Variants in GALNTL6 observed in about 807,000 individuals in gnomAD.
GALNTL6 encodes polypeptide N-acetylgalactosaminyltransferase-like 6.
GALNTL6 carries 46 observed loss-of-function variants against 73.7 expected under a neutral mutation model. The ratio of observed to expected loss-of-function variants is 0.62; its 90% CI spans 0.49 to 0.80. The LOEUF is 0.80. GALNTL6 is among the 30% of genes least tolerant of loss of function. GALNTL6 has a pLI of 0.00. For missense variants in GALNTL6, 604 were observed against 755.0 expected, an observed-to-expected ratio of 0.80 and a Z score of 2.34; for synonymous variants, 259 against 263.7, an observed-to-expected ratio of 0.98 and a Z score of 0.17.
Position 172,698,445 on chromosome 4 carries a change from C to T in GALNTL6, c.554-110916C>T, listed in dbSNP as rs188273548. On this transcript the variant is annotated intron_variant, in intron 5 of 12. Transcript: ENST00000506823. ...GCTGAGATCCCATCTACCCTCCACT[C>T]AGTCTCTTGGACAGGATCCAAGGCT... is the stretch of plus-strand genomic sequence containing the variant. Among the ~76,000 whole-genome samples the T allele has an allele frequency of 1.1e-4, 16 of 152,248 alleles. No homozygotes were observed. In the South Asian group the frequency reaches 2.5e-3, roughly 24 times the overall value.
chr4:172,464,070 T>C (rs1732713225), intron 5 of GALNTL6, among the ~76,000 whole-genome samples: 1 of 152,138 alleles, frequency 6.6e-6, no homozygotes, highest in Non-Finnish European at 1.5e-5. Context: ...TTTCCTTTTA[T>C]GGCATTTTTT....
intron 7 of GALNTL6, among the ~76,000 whole-genome samples, chr4:172,817,106 CAAAA>C (rs368595063): frequency 1.1e-4 from 8 of 74,400 alleles, no homozygotes; most frequent in Admixed American, 4.7e-4. Flanking sequence ...ACTCCGTCTC[CAAAA>C]AAAAAAAAAA....
intron 8 of GALNTL6, among the ~76,000 whole-genome samples, chr4:172,902,774 G>T (rs2111243580): frequency 6.6e-6 from 1 of 152,236 alleles, no homozygotes; most frequent in African/African-American, 2.4e-5. Flanking sequence ...GACATCTAAG[G>T]AAATGTTAAC....
intron 3 of GALNTL6, among the ~76,000 whole-genome samples, chr4:172,257,742 T>C (rs1579306588): frequency 6.6e-6 from 1 of 151,358 alleles, no homozygotes; most frequent in East Asian, 1.9e-4. Flanking sequence ...GTCTTTCATC[T>C]GTCTCATTCA....
intron 2 of GALNTL6, among the ~76,000 whole-genome samples, chr4:171,845,691 T>C (rs997438822): frequency 3.3e-5 from 5 of 152,096 alleles, no homozygotes; most frequent in African/African-American, 1.2e-4. Flanking sequence ...AGACACAAGA[T>C]GGAAGGAGAC....
intron 2 of GALNTL6, among the ~76,000 whole-genome samples, chr4:172,177,860 C>CACATATATATGTGTATAT (rs1735097513): frequency 7.0e-6 from 1 of 142,866 alleles, no homozygotes; most frequent in Non-Finnish European, 1.6e-5. Context: ...TATATACACA[C>CACATATATATGTGTATAT]ATACTAAGGC....
intron 2 of GALNTL6, chr4:172,052,606 G>T: frequency 1.1e-6 from 1 of 938,266 alleles, no homozygotes; most frequent in Non-Finnish European, 1.6e-6. Flanking sequence ...GACGCTTGTT[G>T]TTGAATCAGG....
intron 5 of GALNTL6, among the ~76,000 whole-genome samples, chr4:172,428,808 ATGTT>A (rs1731322242): frequency 6.6e-6 from 1 of 152,236 alleles, no homozygotes; most frequent in Admixed American, 6.5e-5. Flanking sequence ...AAACTAAAGT[ATGTT>A]TGTTAAAGAA....
chr4:172,082,464 A>G (rs1246904092), intron 2 of GALNTL6, among the ~76,000 whole-genome samples: 1 of 152,194 alleles, frequency 6.6e-6, no homozygotes, highest in East Asian at 1.9e-4. Flanking sequence ...ACCTGCAGTT[A>G]TAGATGAGAT....
chr4:172,915,947 A>C (rs976524953), intron 8 of GALNTL6, among the ~76,000 whole-genome samples: 1 of 152,214 alleles, frequency 6.6e-6, no homozygotes, highest in Non-Finnish European at 1.5e-5. Flanking sequence ...CAACAAAAAA[A>C]GAGAATTATA....
rs116714811 is a variant in GALNTL6 at position 172,392,906 on chromosome 4, G to A, written c.553+44217G>A. Among the ~76,000 whole-genome samples the A allele has an allele frequency of 7.3e-3, 1,116 of 152,250 alleles. 13 individuals are homozygous for A. Among genetic ancestry groups the A allele is most frequent in the African/African-American group, 0.025 (1,052 of 41,544 alleles). On this transcript the variant is annotated intron_variant, in intron 5 of 12. Transcript: ENST00000506823. ...CAGTCCCCGCCCTGTTAAGAAACCT[G>A]GACACACAGCAGAACGTGAGTGGCG... is the stretch of plus-strand genomic sequence containing the variant.
At chr4:172,193,787 C>T (rs954431784) in intron 2 of GALNTL6, among the ~76,000 whole-genome samples, 7 of 152,150 alleles carry the variant, frequency 4.6e-5, no homozygotes, top group South Asian at 2.1e-4. Flanking sequence ...GGCGTGAACC[C>T]GGGAGGCGGA....
chr4:172,683,319 C>G (rs779904738), intron 5 of GALNTL6, among the ~76,000 whole-genome samples: 14 of 152,182 alleles, frequency 9.2e-5, no homozygotes, highest in Non-Finnish European at 1.8e-4. Flanking sequence ...GAGGAGATAT[C>G]TATTCACTTC....
intron 5 of GALNTL6, among the ~76,000 whole-genome samples, chr4:172,428,333 G>A (rs1731303675): frequency 6.6e-6 from 1 of 152,152 alleles, no homozygotes; most frequent in African/African-American, 2.4e-5. Flanking sequence ...ATATCTGAAT[G>A]TGTATGAAAA....
At chr4:171,886,953 G>C (rs1412557667) in intron 2 of GALNTL6, among the ~76,000 whole-genome samples, 1 of 152,204 alleles carries the variant, frequency 6.6e-6, no homozygotes, top group Non-Finnish European at 1.5e-5. Context: ...GGCATGGATG[G>C]AAGTGAAGAA....
At chr4:172,731,774 T>G (rs1736162585) in intron 5 of GALNTL6, among the ~76,000 whole-genome samples, 1 of 152,126 alleles carries the variant, frequency 6.6e-6, no homozygotes, top group African/African-American at 2.4e-5. Context: ...TTTTAAAATT[T>G]CCTTCTTAAT....
chr4:172,583,876 A>C (rs1463591932), intron 5 of GALNTL6, among the ~76,000 whole-genome samples: 1 of 142,956 alleles, frequency 7.0e-6, no homozygotes, highest in Non-Finnish European at 1.5e-5. Context: ...CTGGGCCGAC[A>C]GAGCGAGACT....
intron 5 of GALNTL6, among the ~76,000 whole-genome samples, chr4:172,585,748 TGA>T (rs1222948915): frequency 1.3e-5 from 2 of 152,098 alleles, no homozygotes; most frequent in East Asian, 3.9e-4. Flanking sequence ...CTAGAATGAT[TGA>T]TAATCCTTTG....
intron 10 of GALNTL6, among the ~76,000 whole-genome samples, chr4:172,981,873 C>A (rs530270428): frequency 6.7e-5 from 10 of 149,238 alleles, no homozygotes; most frequent in African/African-American, 2.5e-4. Context: ...GATAGCTCAC[C>A]GCAACCTCTG....
Sources: allele counts gnomAD v4.1 joint callset (sites outside exome capture counted in the v4.1 genomes callset), GRCh38; gene constraint gnomAD v4.1.1; transcripts MANE v1.5; gene names NCBI Gene and HGNC (gene_info 2026-07-23, HGNC 2026-07-21).